The following DCC variants were observed in gnomAD, a reference collection of about 807,000 sequenced individuals.
DCC encodes DCC netrin 1 receptor, also known as netrin receptor DCC.
A neutral mutation model predicts 172.5 loss-of-function variants in DCC; 58 were observed. That is an observed-to-expected ratio of 0.34 (90% confidence interval 0.27 to 0.42). DCC has a LOEUF of 0.42. DCC is among the 10% of genes least tolerant of loss of function. The pLI is 1.00. For synonymous variants in DCC, 709 were observed against 644.5 expected (o/e 1.10, Z -1.52); for missense variants, 1,740 against 1,791.0 (o/e 0.97, Z 0.51).
chr18:53,001,242 A>G (rs535174364), intron 5 of DCC, among the ~76,000 whole-genome samples: 71 of 152,214 alleles, frequency 4.7e-4, no homozygotes, highest in Admixed American at 1.2e-3. Context: ...TGGCCATTGA[A>G]TAATGTTCAA....
chr18:53,389,717 T>A (rs1908419556), intron 16 of DCC, among the ~76,000 whole-genome samples: 1 of 152,134 alleles, frequency 6.6e-6, no homozygotes, highest in Non-Finnish European at 1.5e-5. Flanking sequence ...CCCAACACCC[T>A]TGCTTGAAAT....
In DCC at chr18:52,442,432, G is replaced by C. The variant is rs561114720; in HGVS notation, c.91+101554G>C. On this transcript the variant is annotated intron_variant, in intron 1 of 28. Transcript: ENST00000442544. ...TTAAAAATAATAATTATAACAATAA[G>C]ATTTTGAGCTTATAGGTTACTTAGA... Among the ~76,000 whole-genome samples, 26 of 152,252 alleles carry C rather than the reference G, an allele frequency of 1.7e-4. 1 individual carries two copies. Among genetic ancestry groups the C allele is most frequent in the African/African-American group, 6.0e-4 (25 of 41,550 alleles).
intron 2 of DCC, among the ~76,000 whole-genome samples, chr18:52,781,785 T>G: frequency 6.6e-6 from 1 of 151,506 alleles, no homozygotes; most frequent in Middle Eastern, 3.4e-3. Context: ...AGCATTAAAT[T>G]TTTCAATTTT....
intron 1 of DCC, among the ~76,000 whole-genome samples, chr18:52,401,341 C>A (rs1359656988): frequency 6.6e-6 from 1 of 151,996 alleles, no homozygotes; most frequent in Non-Finnish European, 1.5e-5. Context: ...CTCTACTGAG[C>A]ATTTACAGCA....
At chr18:52,705,416 C>T (rs1011469398) in intron 1 of DCC, among the ~76,000 whole-genome samples, 20 of 152,128 alleles carry the variant, frequency 1.3e-4, no homozygotes, top group African/African-American at 3.9e-4. Context: ...AGCCAACATG[C>T]GTAAAAGGAA....
At chr18:52,658,131 T>C (rs1307980724) in intron 1 of DCC, among the ~76,000 whole-genome samples, 2 of 152,212 alleles carry the variant, frequency 1.3e-5, no homozygotes, top group African/African-American at 2.4e-5. Flanking sequence ...TTTTGGATTA[T>C]CTATCACAAA....
At chr18:52,642,175 C>T (rs2034920615) in intron 1 of DCC, among the ~76,000 whole-genome samples, 1 of 151,450 alleles carries the variant, frequency 6.6e-6, no homozygotes, top group Non-Finnish European at 1.5e-5. Flanking sequence ...TTTGCGGTGA[C>T]CTGGATGAGA....
intron 1 of DCC, among the ~76,000 whole-genome samples, chr18:52,497,312 TATAC>T (rs1275560596): frequency 0.012 from 945 of 77,068 alleles, 179 homozygotes; most frequent in Non-Finnish European, 0.014. Flanking sequence ...TATATATATA[TATAC>T]ACACACACAT....
In DCC at chr18:52,413,750, C is replaced by G. The variant is rs369394107; in HGVS notation, c.91+72872C>G. Among the ~76,000 whole-genome samples, 172 of 152,190 alleles carry G rather than the reference C, an allele frequency of 1.1e-3. 1 individual carries two copies. In the South Asian group the frequency reaches 0.018, roughly 16 times the overall value. On this transcript the variant is annotated intron_variant, in intron 1 of 28. Transcript: ENST00000442544. ...CATGTTAGTATCGAAGACAGACACACTTTTGGGCTTGAGCATAAGGGAGCA... is the reference window on the plus strand; with the variant it reads ...CATGTTAGTATCGAAGACAGACACAGTTTTGGGCTTGAGCATAAGGGAGCA...
intron 7 of DCC, among the ~76,000 whole-genome samples, chr18:53,134,440 T>C (rs2043706623): frequency 6.6e-6 from 1 of 152,140 alleles, no homozygotes; most frequent in African/African-American, 2.4e-5. Flanking sequence ...TAAGCATATA[T>C]AAATAACATA....
chr18:52,893,927 T>A (rs572295855), intron 2 of DCC, among the ~76,000 whole-genome samples: 5 of 152,032 alleles, frequency 3.3e-5, no homozygotes, highest in Non-Finnish European at 7.4e-5. Context: ...AGTATCAGGC[T>A]CTCTTATGAA....
intron 15 of DCC, among the ~76,000 whole-genome samples, chr18:53,368,775 C>G (rs892999177): frequency 6.6e-5 from 10 of 151,964 alleles, no homozygotes; most frequent in Admixed American, 5.3e-4. Context: ...TTTCTGGGTT[C>G]CCTATTCTAT....
intron 1 of DCC, among the ~76,000 whole-genome samples, chr18:52,394,900 T>C (rs1168455126): frequency 6.6e-6 from 1 of 152,018 alleles, no homozygotes; most frequent in Non-Finnish European, 1.5e-5. Context: ...ATGAAAGACT[T>C]TGAGAGCTGC....
At chr18:52,708,179 C>T (rs1032344866) in intron 1 of DCC, among the ~76,000 whole-genome samples, 13 of 152,224 alleles carry the variant, frequency 8.5e-5, no homozygotes, top group East Asian at 1.9e-4. Flanking sequence ...CAGTGGCTCA[C>T]GCCTGTAATC....
chr18:53,429,556 TA>T (rs1469054677), intron 21 of DCC, among the ~76,000 whole-genome samples: 1 of 152,102 alleles, frequency 6.6e-6, no homozygotes, highest in Non-Finnish European at 1.5e-5. Flanking sequence ...TTTTATGGCC[TA>T]AATACAGAAA....
chr18:53,053,908 A>G (rs6508192), intron 5 of DCC, among the ~76,000 whole-genome samples: 4,162 of 152,160 alleles, frequency 0.027, 219 homozygotes, highest in African/African-American at 0.095. Context: ...ATATGTATGG[A>G]TATATATTTG....
intron 7 of DCC, among the ~76,000 whole-genome samples, chr18:53,135,944 A>G (rs979992121): frequency 6.6e-6 from 1 of 152,204 alleles, no homozygotes; most frequent in East Asian, 1.9e-4. Context: ...TAGAAAAGCT[A>G]TGCATGGTTA....
At chr18:52,509,469 A>G (rs967263122) in intron 1 of DCC, among the ~76,000 whole-genome samples, 3 of 152,152 alleles carry the variant, frequency 2.0e-5, no homozygotes, top group Non-Finnish European at 2.9e-5. Context: ...AAGTGATTAG[A>G]CCAATTAACA....
chr18:53,513,147 G>A (rs1265324339), intron 27 of DCC, among the ~76,000 whole-genome samples: 1 of 152,066 alleles, frequency 6.6e-6, no homozygotes, highest in South Asian at 2.1e-4. Flanking sequence ...AGAGAGTGGG[G>A]GCCAATATTC....
Sources: gnomAD v4.1 joint callset for allele counts (sites outside exome capture counted in the v4.1 genomes callset) on GRCh38, gnomAD v4.1.1 for gene constraint, MANE v1.5 for transcripts, NCBI Gene and HGNC (gene_info 2026-07-23, HGNC 2026-07-21) for gene names.